Variants in NRG1 observed in about 807,000 individuals in gnomAD.
The protein encoded by NRG1 is pro-neuregulin-1, membrane-bound isoform.
In NRG1, 18 loss-of-function variants were observed where a neutral mutation model predicts 63.8. That is an observed-to-expected ratio of 0.28 (90% CI 0.19 to 0.42). NRG1 has a LOEUF of 0.42. Ranked by LOEUF, NRG1 falls within the 10% of genes least tolerant of loss-of-function variation. The pLI, the probability that NRG1 is intolerant of heterozygous loss-of-function variation, is 1.00. For missense variants in NRG1, 762 were observed against 814.7 expected (o/e 0.94, Z 0.79); for synonymous variants, 302 against 301.3 (o/e 1.00, Z -0.02).
At chr8:31,788,333 C>A (rs1820376961) in intron 1 of NRG1, among the ~76,000 whole-genome samples, 1 of 151,864 alleles carries the variant, frequency 6.6e-6, no homozygotes, top group Admixed American at 6.6e-5. Context: ...TAATTTTATT[C>A]AATTAATATA....
chr8:32,474,004 C>G (rs1824171271), intron 1 of NRG1, among the ~76,000 whole-genome samples: 1 of 152,102 alleles, frequency 6.6e-6, no homozygotes, highest in Admixed American at 6.5e-5. Flanking sequence ...CATGTTTTCT[C>G]TTGGCATCCT....
At chr8:31,716,960 A>G (rs968447254) in intron 1 of NRG1, among the ~76,000 whole-genome samples, 1 of 152,264 alleles carries the variant, frequency 6.6e-6, no homozygotes, top group Non-Finnish European at 1.5e-5. Context: ...CAGTGAAAAT[A>G]CTTCCTCAAG....
At chr8:32,692,763 G>A (rs189590122) in intron 5 of NRG1, among the ~76,000 whole-genome samples, 2 of 152,290 alleles carry the variant, frequency 1.3e-5, no homozygotes, top group Admixed American at 1.3e-4. Flanking sequence ...CACTTCTGAA[G>A]GAAATCTGCC....
intron 1 of NRG1, among the ~76,000 whole-genome samples, chr8:32,499,815 T>A (rs1827647313): frequency 6.6e-6 from 1 of 152,214 alleles, no homozygotes; most frequent in Non-Finnish European, 1.5e-5. Flanking sequence ...TGGTCCAAAC[T>A]ACGGTAGTGA....
At chr8:32,541,489 C>G (rs1483731222) in intron 1 of NRG1, among the ~76,000 whole-genome samples, 1 of 140,126 alleles carries the variant, frequency 7.1e-6, no homozygotes, top group Non-Finnish European at 1.5e-5. Context: ...TACCAGGTGT[C>G]TCTTATGGAA....
At chr8:31,704,887 T>C (rs1810991060) in intron 1 of NRG1, among the ~76,000 whole-genome samples, 1 of 151,804 alleles carries the variant, frequency 6.6e-6, no homozygotes, top group Non-Finnish European at 1.5e-5. Context: ...CAAATAAAAT[T>C]CTGGTGACTT....
intron 1 of NRG1, among the ~76,000 whole-genome samples, chr8:32,419,507 A>G (rs1367478351): frequency 6.6e-6 from 1 of 152,334 alleles, no homozygotes; most frequent in South Asian, 2.1e-4. Flanking sequence ...CTAGACCCCA[A>G]TCAATGTGCC....
At chr8:32,154,340 G>A (rs1458681611) in intron 1 of NRG1, among the ~76,000 whole-genome samples, 3 of 151,506 alleles carry the variant, frequency 2.0e-5, no homozygotes, top group Admixed American at 1.3e-4. Flanking sequence ...TGGTACCCCA[G>A]TGCTTCCTGC....
At chr8:31,808,392 A>G (rs1249495568) in intron 1 of NRG1, among the ~76,000 whole-genome samples, 2 of 152,058 alleles carry the variant, frequency 1.3e-5, no homozygotes, top group African/African-American at 4.8e-5. Flanking sequence ...AGTAACTTTT[A>G]AGATAAAACG....
chr8:32,505,741 G>A (rs1406406362), intron 1 of NRG1, among the ~76,000 whole-genome samples: 2 of 152,196 alleles, frequency 1.3e-5, no homozygotes, highest in Non-Finnish European at 1.5e-5. Flanking sequence ...GTGACACTTG[G>A]GAGGCAATAC....
Position 32,749,706 on chromosome 8 carries a change from C to T in NRG1, c.692-4666C>T, listed in dbSNP as rs1589579877. 3.4e-6 allele frequency: 3 copies of T among 872,264 alleles called. No individual in the cohort carries two copies. The South Asian group carries it at 4.9e-5, about 14-fold the overall frequency. The allele number at this position is 872,264 out of a possible 1,614,324, so 54.0% of individuals were successfully genotyped here. ...AATTTCCTTTTTCTTTAGAAGGGAT[C>T]ATACAGCTATAACAATGATTTCTCT... On this transcript the variant is annotated intron_variant, in intron 7 of 11. Transcript: ENST00000356819.
intron 1 of NRG1, among the ~76,000 whole-genome samples, chr8:32,278,234 G>C (rs548876028): frequency 6.6e-6 from 1 of 152,240 alleles, no homozygotes; most frequent in Non-Finnish European, 1.5e-5. Flanking sequence ...ACAGAACACA[G>C]AAATGGCTCA....
At chr8:31,936,672 G>A (rs1800952253) in intron 1 of NRG1, among the ~76,000 whole-genome samples, 1 of 152,124 alleles carries the variant, frequency 6.6e-6, no homozygotes, top group South Asian at 2.1e-4. Flanking sequence ...CCAAATTTGA[G>A]GCCTGAGTAA....
At chr8:31,914,637 C>T (rs1314831452) in intron 1 of NRG1, among the ~76,000 whole-genome samples, 1 of 151,994 alleles carries the variant, frequency 6.6e-6, no homozygotes. Context: ...GGTACCCATA[C>T]ATAATGTTAA....
intron 1 of NRG1, among the ~76,000 whole-genome samples, chr8:32,299,605 G>A (rs1424700265): frequency 6.6e-6 from 1 of 152,144 alleles, no homozygotes; most frequent in Non-Finnish European, 1.5e-5. Flanking sequence ...ACATACCCAA[G>A]ACTGGGCAAT....
At chr8:32,769,094 C>T (rs2129065777), downstream of NRG1, among the ~76,000 whole-genome samples, 1 of 152,262 alleles carries the variant, frequency 6.6e-6, no homozygotes, top group East Asian at 1.9e-4. Flanking sequence ...CAAAAGCCAC[C>T]ACACTCTTTC....
At chr8:32,648,896 T>A (rs1274929474) in intron 5 of NRG1, among the ~76,000 whole-genome samples, 1 of 152,174 alleles carries the variant, frequency 6.6e-6, no homozygotes, top group Non-Finnish European at 1.5e-5. Flanking sequence ...CCTACTTTTG[T>A]ATCTTAATTG....
At chr8:32,755,540 G>T (rs994022842) in intron 8 of NRG1, among the ~76,000 whole-genome samples, 3 of 151,958 alleles carry the variant, frequency 2.0e-5, no homozygotes, top group Non-Finnish European at 2.9e-5. Context: ...CTCAATATTC[G>T]CTGCCTAATT....
chr8:32,614,237 A>G, intron 3 of NRG1: 2 of 304,540 alleles, frequency 6.6e-6, no homozygotes, highest in Non-Finnish European at 1.2e-5. Flanking sequence ...CCTCTTTGAC[A>G]TAAATTCTTC....
Sources: gnomAD v4.1 joint callset for allele counts (sites outside exome capture counted in the v4.1 genomes callset) on GRCh38, gnomAD v4.1.1 for gene constraint, MANE v1.5 for transcripts, NCBI Gene and HGNC (gene_info 2026-07-23, HGNC 2026-07-21) for gene names.